Variants in PDE3A observed in about 807,000 individuals in gnomAD.
PDE3A encodes phosphodiesterase 3A.
Under a neutral mutation model 98.3 loss-of-function variants are expected in PDE3A, and 43 were observed. The ratio of observed to expected loss-of-function variants is 0.44; its 90% confidence interval spans 0.34 to 0.56. The LOEUF is 0.56. Among genes scored for constraint, PDE3A ranks in the 20% least tolerant of loss-of-function variants. The pLI is 0.01. For missense variants in PDE3A, 1,427 were observed against 1,440.7 expected, an observed-to-expected ratio of 0.99 and a Z score of 0.15; for synonymous variants, 663 against 567.9, an observed-to-expected ratio of 1.17 and a Z score of -2.38.
At chr12:20,557,480 G>C (rs558751064) in intron 2 of PDE3A, among the ~76,000 whole-genome samples, 1 of 152,142 alleles carries the variant, frequency 6.6e-6, no homozygotes, top group Admixed American at 6.5e-5. Context: ...AAATTAAGTG[G>C]GTGGAAATTT....
chr12:20,509,889 TG>T (rs1350402546), intron 1 of PDE3A, among the ~76,000 whole-genome samples: 1 of 152,028 alleles, frequency 6.6e-6, no homozygotes, highest in Non-Finnish European at 1.5e-5. Context: ...ATTTGATAGG[TG>T]GAAAAAGTAG....
intron 1 of PDE3A, among the ~76,000 whole-genome samples, chr12:20,472,506 G>T (rs550779944): frequency 6.6e-6 from 1 of 152,114 alleles, no homozygotes; most frequent in East Asian, 1.9e-4. Flanking sequence ...TATTTAGTTG[G>T]ATGTAAAATC....
At chr12:20,439,768 G>T (rs1944839673) in intron 1 of PDE3A, among the ~76,000 whole-genome samples, 2 of 152,048 alleles carry the variant, frequency 1.3e-5, no homozygotes, top group African/African-American at 4.8e-5. Flanking sequence ...AAGAAAATGG[G>T]ACACCCTCCT....
chr12:20,427,251 C>T (rs963978146), intron 1 of PDE3A, among the ~76,000 whole-genome samples: 2 of 152,106 alleles, frequency 1.3e-5, no homozygotes, highest in African/African-American at 4.8e-5. Flanking sequence ...CGTGAACTCT[C>T]GTTGCTTTTT....
At chr12:20,457,520 T>C (rs1945173235) in intron 1 of PDE3A, among the ~76,000 whole-genome samples, 1 of 151,880 alleles carries the variant, frequency 6.6e-6, no homozygotes, top group Admixed American at 6.6e-5. Flanking sequence ...TTGTACAAAA[T>C]ATTTTAACTG....
chr12:20,655,696 CTGAG>C (rs945122597), intron 15 of PDE3A, among the ~76,000 whole-genome samples: 1 of 152,188 alleles, frequency 6.6e-6, no homozygotes, highest in African/African-American at 2.4e-5. Flanking sequence ...GGCTTTTACT[CTGAG>C]TAAGATGGGA....
chr12:20,609,373 T>G (rs1210858783), intron 2 of PDE3A, among the ~76,000 whole-genome samples: 2 of 152,036 alleles, frequency 1.3e-5, no homozygotes, highest in African/African-American at 4.8e-5. Context: ...AAAAGATTTG[T>G]ACATTGAAAA....
rs967729028 is a variant in PDE3A, at chr12:20,552,081, A to G, written c.961-4579A>G. On this transcript the variant is annotated intron_variant, in intron 1 of 15. Transcript: ENST00000359062. This position sits in a 1 kb window ranked among gnomAD's most constrained non-coding sequence, Gnocchi z 5.1. Reference sequence around the variant, plus strand: ...TCACATACACGGGTAGTGGTGGTCGAGAGCTTTCCGGCAACAAGAGGACCG... The same window carrying G: ...TCACATACACGGGTAGTGGTGGTCGGGAGCTTTCCGGCAACAAGAGGACCG... 1 of 1,612,570 alleles carries G rather than the reference A, an allele frequency of 6.2e-7. No homozygotes were observed. The highest frequency in any genetic ancestry group is 1.3e-5 in the African/African-American group (1 of 74,882).
At chr12:20,490,247 T>A (rs931832481) in intron 1 of PDE3A, among the ~76,000 whole-genome samples, 24 of 152,106 alleles carry the variant, frequency 1.6e-4, no homozygotes, top group African/African-American at 5.8e-4. Context: ...GGAAAACATA[T>A]CTGTTATTAG....
At chr12:20,482,769 G>T (rs909293875) in intron 1 of PDE3A, among the ~76,000 whole-genome samples, 1 of 152,194 alleles carries the variant, frequency 6.6e-6, no homozygotes, top group South Asian at 2.1e-4. Context: ...TTGATGCAGA[G>T]AATGTACTTT....
chr12:20,390,285 AT>A (rs925458415), intron 1 of PDE3A, among the ~76,000 whole-genome samples: 1 of 151,836 alleles, frequency 6.6e-6, no homozygotes, highest in South Asian at 2.1e-4. Flanking sequence ...CAAACATTAT[AT>A]TTTTTAACCA....
chr12:20,646,104 A>T (rs1042208203), intron 10 of PDE3A, among the ~76,000 whole-genome samples: 2 of 152,214 alleles, frequency 1.3e-5, no homozygotes, highest in African/African-American at 4.8e-5. Context: ...CATCTAGTTG[A>T]AGTATGTCAT....
intron 1 of PDE3A, among the ~76,000 whole-genome samples, chr12:20,533,594 G>T (rs1941670361): frequency 6.7e-6 from 1 of 150,234 alleles, no homozygotes; most frequent in Non-Finnish European, 1.5e-5. Context: ...CCATTCTCCT[G>T]CCTCAGCCTC....
chr12:20,580,330 G>A (rs1350688359), intron 2 of PDE3A, among the ~76,000 whole-genome samples: 13 of 151,994 alleles, frequency 8.6e-5, no homozygotes, highest in Admixed American at 8.5e-4. Flanking sequence ...AAATAATAAG[G>A]CACACAAAAA....
At chr12:20,394,759 CATTG>C (rs1212401068) in intron 1 of PDE3A, among the ~76,000 whole-genome samples, 1 of 151,892 alleles carries the variant, frequency 6.6e-6, no homozygotes, top group Non-Finnish European at 1.5e-5. Flanking sequence ...TAGGGTATTG[CATTG>C]ATTGTCAACT....
At chr12:20,544,245 A>G (rs1259438602) in intron 1 of PDE3A, among the ~76,000 whole-genome samples, 1 of 150,968 alleles carries the variant, frequency 6.6e-6, no homozygotes, top group African/African-American at 2.4e-5. Context: ...GAATGCACAC[A>G]TGAATGAGTG....
chr12:20,434,320 C>T (rs777704588), intron 1 of PDE3A, among the ~76,000 whole-genome samples: 4 of 151,992 alleles, frequency 2.6e-5, no homozygotes, highest in South Asian at 2.1e-4. Flanking sequence ...ACTTGGAGTT[C>T]GTTTTCATTG....
chr12:20,667,578 G>T (rs1484862252), intron 15 of PDE3A, among the ~76,000 whole-genome samples: 5 of 152,066 alleles, frequency 3.3e-5, no homozygotes, highest in African/African-American at 1.2e-4. Context: ...AAATCAGTTG[G>T]CTATAAATAC....
chr12:20,603,915 A>G (rs1421337931), intron 2 of PDE3A, among the ~76,000 whole-genome samples: 1 of 152,140 alleles, frequency 6.6e-6, no homozygotes, highest in Non-Finnish European at 1.5e-5. Flanking sequence ...TCACGCCTGT[A>G]ATCACAGCAC....
Sources: allele counts gnomAD v4.1 joint callset (sites outside exome capture counted in the v4.1 genomes callset), GRCh38; gene constraint gnomAD v4.1.1; non-coding constraint Gnocchi (gnomAD v3.1); transcripts MANE v1.5; gene names NCBI Gene and HGNC (gene_info 2026-07-23, HGNC 2026-07-21).